PPM1E: variants seen among roughly 807,000 people sequenced by gnomAD.
PPM1E encodes protein phosphatase 1E.
Under a neutral mutation model 65.9 loss-of-function variants are expected in PPM1E, and 20 were observed. That is an observed-to-expected ratio of 0.30 (90% CI 0.21 to 0.44). The LOEUF (loss-of-function observed/expected upper bound fraction) is 0.44, where lower values mean the gene tolerates loss of function less well. Ranked by LOEUF, PPM1E falls within the 20% of genes least tolerant of loss-of-function variation. The pLI is 1.00. For synonymous variants in PPM1E, 352 were observed against 374.9 expected (o/e 0.94, Z 0.70); for missense variants, 713 against 953.1 (o/e 0.75, Z 3.32).
At chr17:58,869,163 C>T (rs1331132696) in intron 1 of PPM1E, among the ~76,000 whole-genome samples, 1 of 152,162 alleles carries the variant, frequency 6.6e-6, no homozygotes, top group Non-Finnish European at 1.5e-5. Context: ...GAGTGGGACT[C>T]CGTCTCAACA....
intron 1 of PPM1E, among the ~76,000 whole-genome samples, chr17:58,921,266 A>G (rs1299693932): frequency 6.6e-6 from 1 of 152,212 alleles, no homozygotes; most frequent in African/African-American, 2.4e-5. Flanking sequence ...AGGAGGTGAA[A>G]TGTTGGTCAA....
At chr17:58,922,792 A>G (rs934598789) in intron 1 of PPM1E, among the ~76,000 whole-genome samples, 4 of 148,582 alleles carry the variant, frequency 2.7e-5, no homozygotes, top group Non-Finnish European at 5.9e-5. Flanking sequence ...TCAAGTGATT[A>G]TCCTGCCTCA....
chr17:58,914,284 A>T (rs1193364440), intron 1 of PPM1E, among the ~76,000 whole-genome samples: 2 of 152,216 alleles, frequency 1.3e-5, no homozygotes, highest in Non-Finnish European at 2.9e-5. Flanking sequence ...ACTACATTCC[A>T]GACTTACCTT....
intron 1 of PPM1E, among the ~76,000 whole-genome samples, chr17:58,912,732 G>C (rs1333395547): frequency 1.3e-5 from 2 of 152,192 alleles, no homozygotes; most frequent in African/African-American, 4.8e-5. Flanking sequence ...CTGGTTGCCA[G>C]GAGAATGGAC....
intron 1 of PPM1E, among the ~76,000 whole-genome samples, chr17:58,867,161 A>G (rs1387848632): frequency 6.6e-6 from 1 of 152,034 alleles, no homozygotes; most frequent in Non-Finnish European, 1.5e-5. Context: ...TTGTATTTTT[A>G]GTAGAGAAGG....
intron 1 of PPM1E, among the ~76,000 whole-genome samples, chr17:58,889,884 A>G (rs182372508): frequency 1.4e-4 from 21 of 152,348 alleles, no homozygotes; most frequent in African/African-American, 4.8e-4. Context: ...TGTCTTCAGT[A>G]TAGTTGATTA....
In PPM1E at chr17:58,980,095, T is replaced by C. The variant is rs1567900113; in HGVS notation, c.1332T>C (p.Asp444=). The change falls in exon 7 of 7, where the codon GAT becomes GAC. Residue 444 remains aspartate (D), a synonymous_variant. Transcript: ENST00000308249. This position sits in a 1 kb window ranked among gnomAD's most constrained non-coding sequence, Gnocchi z 4.7. The part of the protein sequence containing the change: ...CDGFYDTVNP[D]EAVKVVSDHL... The stretch of plus-strand genomic sequence containing the variant: ...GCTTCTATGACACCGTGAACCCTGA[T>C]GAGGCAGTGAAAGTTGTGTCCGACC... 1 of 1,614,000 alleles carries C rather than the reference T, an allele frequency of 6.2e-7. No homozygotes were observed. The highest frequency in any genetic ancestry group is 1.3e-5 in the African/African-American group (1 of 75,008).
At chr17:58,865,530 C>T (rs1046161764) in intron 1 of PPM1E, among the ~76,000 whole-genome samples, 11 of 151,996 alleles carry the variant, frequency 7.2e-5, no homozygotes, top group African/African-American at 2.7e-4. Context: ...GGCAACATGG[C>T]GAAACCCGTC....
chr17:58,811,331 A>G (rs1370025645), intron 1 of PPM1E, among the ~76,000 whole-genome samples: 1 of 152,188 alleles, frequency 6.6e-6, no homozygotes, highest in Non-Finnish European at 1.5e-5. Flanking sequence ...TATTTAATTC[A>G]TTAGGGAAAA....
chr17:58,793,685 A>G (rs1778127787), intron 1 of PPM1E, among the ~76,000 whole-genome samples: 1 of 152,020 alleles, frequency 6.6e-6, no homozygotes, highest in Non-Finnish European at 1.5e-5. Context: ...TTATATAGTG[A>G]TAAAGTTAAT....
At chr17:58,800,130 A>T (rs761177368) in intron 1 of PPM1E, among the ~76,000 whole-genome samples, 1 of 152,166 alleles carries the variant, frequency 6.6e-6, no homozygotes, top group African/African-American at 2.4e-5. Context: ...ATATAGATGG[A>T]TGTTGAACTT....
At chr17:58,940,710 T>C (rs1230687631) in intron 1 of PPM1E, among the ~76,000 whole-genome samples, 1 of 149,814 alleles carries the variant, frequency 6.7e-6, no homozygotes, top group Admixed American at 6.6e-5. Context: ...CATTTTTGTT[T>C]TTTGGGTTTT....
intron 1 of PPM1E, among the ~76,000 whole-genome samples, chr17:58,925,814 C>T (rs1008469249): frequency 6.6e-6 from 1 of 151,860 alleles, no homozygotes; most frequent in Non-Finnish European, 1.5e-5. Context: ...AAATTTTCTC[C>T]CGTTCTGTAG....
rs755517818 is a variant in PPM1E, at chr17:58,955,635, C to A, written c.465-14C>A. 2 of 1,612,140 alleles carry A rather than the reference C, an allele frequency of 1.2e-6. No individual in the cohort carries two copies. The highest frequency in any genetic ancestry group is 1.7e-6 in the Non-Finnish European group (2 of 1,179,582). Reference sequence around the variant, plus strand: ...TCTTTTGCTGAAAATGGCCTTTTATCTTTTTTCTTGCAGTAATTGCCCTTC... The same window carrying A: ...TCTTTTGCTGAAAATGGCCTTTTATATTTTTTCTTGCAGTAATTGCCCTTC... On this transcript the variant is annotated splice_polypyrimidine_tract_variant and intron_variant, in intron 1 of 6. Transcript: ENST00000308249.
chr17:58,766,584 T>G (rs1024233074), intron 1 of PPM1E, among the ~76,000 whole-genome samples: 3 of 145,342 alleles, frequency 2.1e-5, no homozygotes, highest in Non-Finnish European at 3.0e-5. Context: ...TTGAGAAGTA[T>G]ATTGTACTAT....
intron 1 of PPM1E, among the ~76,000 whole-genome samples, chr17:58,943,075 T>A (rs1397352076): frequency 6.6e-6 from 1 of 151,448 alleles, no homozygotes; most frequent in East Asian, 1.9e-4. Context: ...CCAAAGATGA[T>A]TGAATAAAAT....
At chr17:58,780,191 A>G (rs1251181534) in intron 1 of PPM1E, among the ~76,000 whole-genome samples, 1 of 152,212 alleles carries the variant, frequency 6.6e-6, no homozygotes, top group Non-Finnish European at 1.5e-5. Context: ...CATTTATATC[A>G]TTTACCTCCA....
intron 2 of PPM1E, among the ~76,000 whole-genome samples, chr17:58,959,824 T>C (rs1446027437): frequency 6.6e-6 from 1 of 152,042 alleles, no homozygotes; most frequent in South Asian, 2.1e-4. Flanking sequence ...GAACAAAATA[T>C]TGGGAAGTCT....
chr17:58,974,072 G>A (rs998171203), intron 6 of PPM1E, among the ~76,000 whole-genome samples: 5 of 151,932 alleles, frequency 3.3e-5, no homozygotes, highest in African/African-American at 1.2e-4. Flanking sequence ...AGGCTGCAGT[G>A]AGCCAAGATT....
Sources: allele counts gnomAD v4.1 joint callset (sites outside exome capture counted in the v4.1 genomes callset), GRCh38; gene constraint gnomAD v4.1.1; non-coding constraint Gnocchi (gnomAD v3.1); transcripts MANE v1.5; gene names NCBI Gene and HGNC (gene_info 2026-07-23, HGNC 2026-07-21).